The following PREP variants were observed in gnomAD, a reference collection of about 807,000 sequenced individuals.
The protein encoded by PREP is prolyl endopeptidase.
PREP carries 29 observed loss-of-function variants against 87.6 expected under a neutral mutation model. That is an observed-to-expected ratio of 0.33 (90% CI 0.25 to 0.45). The LOEUF is 0.45. PREP is among the 20% of genes least tolerant of loss of function. The pLI, the probability that PREP is intolerant of heterozygous loss-of-function variation, is 1.00. For missense variants in PREP, 695 were observed against 886.5 expected (o/e 0.78, Z 2.74); for synonymous variants, 337 against 328.6 (o/e 1.03, Z -0.28).
At chr6:105,353,551 C>A (rs11964948) in intron 6 of PREP, among the ~76,000 whole-genome samples, 9,850 of 151,964 alleles carry the variant, frequency 0.065, 920 homozygotes, top group African/African-American at 0.2. Context: ...GGGGGTGGAT[C>A]ACCTGAGGTC....
intron 2 of PREP, among the ~76,000 whole-genome samples, chr6:105,383,463 G>T (rs1772902529): frequency 1.3e-5 from 2 of 152,138 alleles, no homozygotes; most frequent in Non-Finnish European, 2.9e-5. Context: ...CATTCTCAAG[G>T]TGGAGAAATA....
At chr6:105,368,822 G>A in intron 6 of PREP, 81 bp downstream of exon 6, 5 of 1,522,526 alleles carry the variant, frequency 3.3e-6, no homozygotes, top group Non-Finnish European at 3.6e-6. Flanking sequence ...CATCCATAAA[G>A]GTCACCACAT....
intron 10 of PREP, among the ~76,000 whole-genome samples, chr6:105,294,771 C>T (rs1358768690): frequency 1.3e-5 from 2 of 152,206 alleles, no homozygotes; most frequent in Non-Finnish European, 2.9e-5. Context: ...CCTTGTAGCT[C>T]CAACTTGCTC....
Position 105,377,537 on chromosome 6 carries a change from T to G in PREP, c.121-18A>C. 1 of 1,606,124 alleles carries G rather than the reference T, an allele frequency of 6.2e-7. No individual in the cohort carries two copies. The highest frequency in any genetic ancestry group is 8.5e-7 in the Non-Finnish European group (1 of 1,178,048). On this transcript the variant is annotated intron_variant, in intron 2 of 14. Transcript: ENST00000652536. ...ACAAAGGCCTGTGGAGAAATTAAAA[T>G]GGACAAAGCAAGTTAAATATAAAAT...
chr6:105,391,551 C>G (rs1773147222), intron 2 of PREP, among the ~76,000 whole-genome samples: 1 of 152,188 alleles, frequency 6.6e-6, no homozygotes, highest in Non-Finnish European at 1.5e-5. Context: ...GATTTGGCCA[C>G]TGGGCCACCA....
At chr6:105,322,310 AG>A in intron 10 of PREP, 1 of 920,228 alleles carries the variant, frequency 1.1e-6, no homozygotes, top group Non-Finnish European at 1.3e-6. Flanking sequence ...TGAAAAAAAT[AG>A]ATTATATTCT....
chr6:105,392,778 T>C (rs1323864900), intron 2 of PREP, among the ~76,000 whole-genome samples: 3 of 152,158 alleles, frequency 2.0e-5, no homozygotes, highest in Admixed American at 6.5e-5. Context: ...GGTTTTGTCA[T>C]GTTGGCTAGG....
intron 10 of PREP, among the ~76,000 whole-genome samples, chr6:105,294,687 C>T (rs1211874041): frequency 3.9e-5 from 6 of 152,198 alleles, no homozygotes; most frequent in East Asian, 1.9e-4. Flanking sequence ...AACAGCACAA[C>T]GCTCACCCAT....
At chr6:105,324,287 C>T (rs1193087877) in intron 9 of PREP, among the ~76,000 whole-genome samples, 1 of 152,140 alleles carries the variant, frequency 6.6e-6, no homozygotes, top group Non-Finnish European at 1.5e-5. Context: ...TATCTGTGGA[C>T]ACTCATGTGG....
At chr6:105,350,592 T>G (rs913128973) in intron 7 of PREP, among the ~76,000 whole-genome samples, 2 of 152,220 alleles carry the variant, frequency 1.3e-5, no homozygotes, top group Admixed American at 1.3e-4. Flanking sequence ...AAATACTTGT[T>G]TCTCTAAATA....
chr6:105,389,184 G>A (rs922075833), intron 2 of PREP, among the ~76,000 whole-genome samples: 16 of 152,206 alleles, frequency 1.1e-4, no homozygotes, highest in African/African-American at 3.4e-4. Context: ...CACCATCTTC[G>A]TTTGACTGGA....
At chr6:105,303,304 A>G (rs1245612436) in intron 10 of PREP, among the ~76,000 whole-genome samples, 1 of 151,844 alleles carries the variant, frequency 6.6e-6, no homozygotes, top group African/African-American at 2.4e-5. Flanking sequence ...GCCTCAAGCA[A>G]TCCTCCTGCC....
intron 4 of PREP, among the ~76,000 whole-genome samples, chr6:105,374,267 ATG>A (rs1772629845): frequency 6.6e-6 from 1 of 152,190 alleles, no homozygotes; most frequent in African/African-American, 2.4e-5. Context: ...TCTAATCACT[ATG>A]GAATGTTTCC....
intron 7 of PREP, among the ~76,000 whole-genome samples, chr6:105,347,484 A>G (rs1314068079): frequency 5.3e-5 from 8 of 152,236 alleles, no homozygotes. Flanking sequence ...TAAATTTTAA[A>G]GAAGTTATTA....
At chr6:105,392,689 G>A (rs1395245158) in intron 2 of PREP, among the ~76,000 whole-genome samples, 1 of 152,166 alleles carries the variant, frequency 6.6e-6, no homozygotes, top group African/African-American at 2.4e-5. Flanking sequence ...CGATTCTCCT[G>A]CCTCAGCCAC....
chr6:105,388,754 C>A (rs141682736), intron 2 of PREP, among the ~76,000 whole-genome samples: 1 of 152,304 alleles, frequency 6.6e-6, no homozygotes, highest in Admixed American at 6.5e-5. Flanking sequence ...ACATTTCCCA[C>A]GTCTACTACA....
chr6:105,330,859 TAAA>T (rs746785620), intron 8 of PREP, among the ~76,000 whole-genome samples: 2 of 152,288 alleles, frequency 1.3e-5, no homozygotes, highest in Non-Finnish European at 2.9e-5. Flanking sequence ...AGTGAGGACA[TAAA>T]GAAGAACTCA....
At position 105,350,360 on chromosome 6, in the gene PREP, G is replaced by GA. The variant is rs202124020; in HGVS notation, c.823+2611dup. On this transcript the variant is annotated intron_variant, in intron 7 of 14. Transcript: ENST00000652536. ...GCAGACATGGAAATATTAAGGGAGA[G>GA]AAAAAAAAAACTTTAACAGGGTAAC... is the stretch of plus-strand genomic sequence containing the variant. 4.0e-3 allele frequency among the ~76,000 whole-genome samples: 600 copies of GA among 148,178 alleles called. 2 individuals carry two copies. Among genetic ancestry groups the GA allele is most frequent in the African/African-American group, 0.014 (558 of 40,658 alleles).
Position 105,373,491 on chromosome 6 carries a change from A to C in PREP, c.473T>G (p.Val158Gly). The change falls in exon 5 of 15, where the codon GTT (valine) becomes GGT (glycine). Residue 158 changes from valine to glycine, a missense_variant. Physicochemically the swap from Val to Gly is moderately radical, Grantham distance 109 (BLOSUM62 -3). This residue lies in a region of PREP where 517 missense variants were observed against 620.3 expected (regional missense o/e 0.83). Coordinates refer to ENST00000652536, the MANE Select transcript of PREP (RefSeq NM_002726.5). Reference sequence around the variant, plus strand: ...ATCTGGAAGCTCTTTGGCACCATCAACTTTCATGAACTTGATTGTCACCCA... The same window carrying C: ...ATCTGGAAGCTCTTTGGCACCATCACCTTTCATGAACTTGATTGTCACCCA... Reference protein sequence around the residue: ...SDWVTIKFMKVDGAKELPDVL... With the variant: ...SDWVTIKFMKGDGAKELPDVL... 1 of 1,614,168 alleles carries C rather than the reference A, an allele frequency of 6.2e-7. No homozygotes were observed. Among genetic ancestry groups the C allele is most frequent in the Non-Finnish European group, 8.5e-7 (1 of 1,180,018 alleles).
Sources: gnomAD v4.1 joint callset for allele counts (sites outside exome capture counted in the v4.1 genomes callset) on GRCh38, gnomAD v4.1.1 for gene constraint, gnomAD v4.1.1 regional missense constraint, MANE v1.5 for transcripts, NCBI Gene and HGNC (gene_info 2026-07-23, HGNC 2026-07-21) for gene names.